Variants in SELENOT observed in about 807,000 individuals in gnomAD.
The protein encoded by SELENOT is selenoprotein T.
In SELENOT, 9 loss-of-function variants were observed where a neutral mutation model predicts 24.3. The observed-to-expected ratio is 0.37, with a 90% CI of 0.22 to 0.65. The LOEUF is 0.65. Among genes scored for constraint, SELENOT ranks in the 30% least tolerant of loss-of-function variants. The pLI, the probability that SELENOT is intolerant of heterozygous loss-of-function variation, is 0.60. For synonymous variants in SELENOT, 81 were observed against 86.0 expected (o/e 0.94, Z 0.32); for missense variants, 166 against 247.6 (o/e 0.67, Z 2.21).
At chr3:150,623,445 T>G (rs917462018) in intron 3 of SELENOT, among the ~76,000 whole-genome samples, 2 of 152,228 alleles carry the variant, frequency 1.3e-5, no homozygotes, top group South Asian at 4.1e-4. Flanking sequence ...ATTTGTTATC[T>G]GATTTTGATT....
At position 150,630,017 on chromosome 3, in the gene SELENOT, A is replaced by G. The variant is rs1427065984; in HGVS notation, c.*2388A>G. The G allele has an allele frequency of 1.3e-5, 2 of 152,654 alleles. No individual in the cohort carries two copies. The highest frequency in any genetic ancestry group is 3.8e-4 in the East Asian group (2 of 5,204). 9.5% of individuals were successfully genotyped at this position (152,654 alleles called of 1,614,324 possible). On this transcript the variant is annotated 3_prime_UTR_variant, in exon 6 of 6. Coordinates refer to ENST00000471696, the MANE Select transcript of SELENOT (RefSeq NM_016275.5). ...GCCATTGTGGAAGAAATTATTTGGT[A>G]CATTAATAAAAAAAGTTGGTAAAAC...
chr3:150,606,750 G>C (rs921571455), intron 1 of SELENOT, among the ~76,000 whole-genome samples: 9 of 151,952 alleles, frequency 5.9e-5, no homozygotes. Flanking sequence ...GCACCACCAC[G>C]CCTGGCTAAT....
rs543589891 is a variant in SELENOT at position 150,607,708 on chromosome 3, C to T, written c.137+4209C>T. 1.8e-4 allele frequency among the ~76,000 whole-genome samples: 27 copies of T among 152,180 alleles called. No homozygotes were observed. In the East Asian group the frequency reaches 4.8e-3, roughly 27 times the overall value. On this transcript the variant is annotated intron_variant, in intron 1 of 5. Transcript: ENST00000471696. The stretch of plus-strand genomic sequence containing the variant: ...GATTCGAAGGATAAGATTTATTTGG[C>T]GAGAACTTTCCAGGCAATGGGAATA...
At chr3:150,605,466 T>C (rs1357332071) in intron 1 of SELENOT, among the ~76,000 whole-genome samples, 1 of 152,152 alleles carries the variant, frequency 6.6e-6, no homozygotes, top group African/African-American at 2.4e-5. Context: ...AAGTAGTAAG[T>C]ACTTCAGTTA....
At chr3:150,622,356 A>G in intron 1 of SELENOT, 29 bp from the exon 2 acceptor site, 1 of 1,118,890 alleles carries the variant, frequency 8.9e-7, no homozygotes, top group Non-Finnish European at 1.2e-6. Flanking sequence ...ATGCTAAATG[A>G]CTTAATGGAA....
chr3:150,618,425 G>T (rs1726266678), intron 1 of SELENOT, among the ~76,000 whole-genome samples: 1 of 152,192 alleles, frequency 6.6e-6, no homozygotes, highest in Non-Finnish European at 1.5e-5. Context: ...GAGGATGCGA[G>T]AGATTGGGGT....
chr3:150,623,405 G>A (rs1726382233), intron 3 of SELENOT, among the ~76,000 whole-genome samples: 1 of 152,022 alleles, frequency 6.6e-6, no homozygotes, highest in South Asian at 2.1e-4. Context: ...ATAGGGAGGT[G>A]TTAATTTAGT....
At chr3:150,611,902 G>T in intron 1 of SELENOT, 1 of 996,430 alleles carries the variant, frequency 1.0e-6, no homozygotes, top group Non-Finnish European at 1.5e-6. Context: ...GGGTACCGGC[G>T]CTGACAGAAA....
intron 1 of SELENOT, among the ~76,000 whole-genome samples, chr3:150,613,494 G>A (rs1030183448): frequency 6.6e-6 from 1 of 152,008 alleles, no homozygotes; most frequent in East Asian, 1.9e-4. Flanking sequence ...AATATGAGTG[G>A]ACGTAGTACA....
rs1417169257 is a variant in SELENOT at position 150,628,342 on chromosome 3, A to G, written c.*713A>G. ...GAATTGATTAATTAACTGGGCCTTT[A>G]TACTTAACTAAATAAAAAACTAAGC... On this transcript the variant is annotated 3_prime_UTR_variant, in exon 6 of 6. Transcript: ENST00000471696. 1 of 152,668 alleles carries G rather than the reference A, an allele frequency of 6.6e-6. No individual in the cohort carries two copies. The highest frequency in any genetic ancestry group is 1.5e-5 in the Non-Finnish European group (1 of 68,018). The allele number at this position is 152,668 out of a possible 1,614,324, so 9.5% of individuals were successfully genotyped here.
chr3:150,613,496 C>T (rs759043969), intron 1 of SELENOT, among the ~76,000 whole-genome samples: 2 of 151,796 alleles, frequency 1.3e-5, no homozygotes, highest in Non-Finnish European at 2.9e-5. Flanking sequence ...TATGAGTGGA[C>T]GTAGTACAAA....
At position 150,623,184 on chromosome 3, in the gene SELENOT, AG is replaced by A; in HGVS notation, c.375+16del. On this transcript the variant is annotated intron_variant, in intron 3 of 5. Coordinates refer to ENST00000471696, the MANE Select transcript of SELENOT (RefSeq NM_016275.5). ...AAGAAAATAAGGTATGTAACTTAAT[AG>A]CTTTGGTAACTGTAGGTTTTTATGT... The A allele has an allele frequency of 3.2e-6, 5 of 1,574,618 alleles. No homozygotes were observed. The highest frequency in any genetic ancestry group is 4.3e-6 in the Non-Finnish European group (5 of 1,163,016).
intron 1 of SELENOT, among the ~76,000 whole-genome samples, chr3:150,617,124 T>G (rs1726235894): frequency 6.6e-6 from 1 of 152,208 alleles, no homozygotes; most frequent in Non-Finnish European, 1.5e-5. Context: ...ACAGCTGAGT[T>G]GGAGGACTGT....
intron 1 of SELENOT, among the ~76,000 whole-genome samples, chr3:150,608,774 T>C (rs1726025103): frequency 1.3e-5 from 2 of 152,224 alleles, no homozygotes; most frequent in Admixed American, 1.3e-4. Context: ...CACATAATAG[T>C]TGTTTCCACT....
At chr3:150,612,554 A>C (rs187875658) in intron 1 of SELENOT, among the ~76,000 whole-genome samples, 1 of 152,366 alleles carries the variant, frequency 6.6e-6, no homozygotes. Flanking sequence ...AAGTTAACCT[A>C]TCTGAGTCTA....
At chr3:150,608,434 T>C (rs557604585) in intron 1 of SELENOT, among the ~76,000 whole-genome samples, 1 of 152,324 alleles carries the variant, frequency 6.6e-6, no homozygotes, top group East Asian at 1.9e-4. Flanking sequence ...ATAAATCCTG[T>C]GGCTTTTTTT....
intron 1 of SELENOT, among the ~76,000 whole-genome samples, chr3:150,616,343 G>T (rs1576532292): frequency 2.1e-5 from 3 of 141,224 alleles, no homozygotes. Context: ...AGCCAAAATT[G>T]ACAAATGGGA....
chr3:150,605,176 C>G (rs538652467), intron 1 of SELENOT, among the ~76,000 whole-genome samples: 1 of 152,012 alleles, frequency 6.6e-6, no homozygotes, highest in Non-Finnish European at 1.5e-5. Flanking sequence ...TGGTAATCAT[C>G]TTACTAACCT....
chr3:150,614,520 A>G (rs748500575), intron 1 of SELENOT: 4 of 154,694 alleles, frequency 2.6e-5, no homozygotes, highest in Non-Finnish European at 5.9e-5. Context: ...GGTTTATCTA[A>G]GATTTTTATT....
Sources: gnomAD v4.1 joint callset for allele counts (sites outside exome capture counted in the v4.1 genomes callset) on GRCh38, gnomAD v4.1.1 for gene constraint, MANE v1.5 for transcripts, NCBI Gene and HGNC (gene_info 2026-07-23, HGNC 2026-07-21) for gene names.